Variants in FNDC3A observed in about 807,000 individuals in gnomAD.
FNDC3A encodes the protein fibronectin type-III domain-containing protein 3A.
A neutral mutation model predicts 148.9 loss-of-function variants in FNDC3A; 32 were observed. The observed-to-expected ratio is 0.21, with a 90% CI of 0.16 to 0.29. The LOEUF is 0.29. FNDC3A is among the 10% of genes least tolerant of loss of function. The pLI is 1.00. For missense variants in FNDC3A, 1,191 were observed against 1,452.8 expected (o/e 0.82, Z 2.93); for synonymous variants, 472 against 473.6 (o/e 1.00, Z 0.04).
At chr13:49,134,980 C>T (rs1374125651) in intron 5 of FNDC3A, among the ~76,000 whole-genome samples, 10 of 150,680 alleles carry the variant, frequency 6.6e-5, no homozygotes, top group East Asian at 3.9e-4. Flanking sequence ...CTCAGCCTCG[C>T]GAATAGCTGG....
At chr13:49,153,310 A>C (rs1185570848) in intron 8 of FNDC3A, among the ~76,000 whole-genome samples, 1 of 152,082 alleles carries the variant, frequency 6.6e-6, no homozygotes, top group Non-Finnish European at 1.5e-5. Flanking sequence ...GGCTGCCTAA[A>C]TGTCTTCTTT....
chr13:49,050,958 A>G (rs186637016), intron 2 of FNDC3A, among the ~76,000 whole-genome samples: 3 of 152,266 alleles, frequency 2.0e-5, no homozygotes, highest in African/African-American at 7.2e-5. Flanking sequence ...ATACAAGGAT[A>G]GCTGCTCCTA....
chr13:49,123,855 G>A (rs193100488), intron 4 of FNDC3A, among the ~76,000 whole-genome samples: 1 of 152,204 alleles, frequency 6.6e-6, no homozygotes, highest in Admixed American at 6.5e-5. Context: ...CACAGATGCT[G>A]GAGAGATGTG....
At chr13:49,020,546 G>T (rs750102869) in intron 2 of FNDC3A, among the ~76,000 whole-genome samples, 34 of 152,322 alleles carry the variant, frequency 2.2e-4, no homozygotes, top group Non-Finnish European at 4.1e-4. Flanking sequence ...GCGCCACATA[G>T]TCTTCACCTG....
intron 7 of FNDC3A, among the ~76,000 whole-genome samples, chr13:49,141,022 C>CA (rs377402085): frequency 2.8e-4 from 42 of 149,974 alleles, no homozygotes; most frequent in Middle Eastern, 3.4e-3. Flanking sequence ...TGAGGAACAA[C>CA]AAAAAAAAAG....
intron 2 of FNDC3A, among the ~76,000 whole-genome samples, chr13:49,013,466 A>G (rs1196398474): frequency 2.0e-5 from 3 of 151,944 alleles, no homozygotes; most frequent in Admixed American, 2.0e-4. Flanking sequence ...ATGTGTATAC[A>G]TATGTACACG....
chr13:49,126,269 T>G (rs12428328), intron 4 of FNDC3A, among the ~76,000 whole-genome samples: 56,218 of 148,318 alleles, frequency 0.38, 10,533 homozygotes, highest in East Asian at 0.54. Flanking sequence ...GGGTTTTTTT[T>G]GTTTGTTTTT....
intron 12 of FNDC3A, among the ~76,000 whole-genome samples, chr13:49,174,950 A>G (rs1440996860): frequency 2.0e-5 from 3 of 152,220 alleles, no homozygotes; most frequent in Non-Finnish European, 4.4e-5. Context: ...TTTTTGTTCT[A>G]GAGATAGCTC....
At chr13:49,041,034 G>A (rs1874885284) in intron 2 of FNDC3A, among the ~76,000 whole-genome samples, 1 of 152,146 alleles carries the variant, frequency 6.6e-6, no homozygotes, top group Non-Finnish European at 1.5e-5. Context: ...GCAGATGAAT[G>A]TAAAATAGCA....
chr13:49,080,809 A>G (rs1221814834), intron 3 of FNDC3A, among the ~76,000 whole-genome samples: 2 of 152,196 alleles, frequency 1.3e-5, no homozygotes, highest in African/African-American at 4.8e-5. Context: ...TATGTAGTAA[A>G]CACTTAAGAA....
chr13:49,032,908 C>T (rs1874230618), intron 2 of FNDC3A, among the ~76,000 whole-genome samples: 1 of 151,804 alleles, frequency 6.6e-6, no homozygotes, highest in Non-Finnish European at 1.5e-5. Flanking sequence ...TTTTTAAAGC[C>T]TATTTGCATT....
chr13:49,071,601 T>A (rs1327280728), intron 2 of FNDC3A, among the ~76,000 whole-genome samples: 1 of 152,170 alleles, frequency 6.6e-6, no homozygotes, highest in Non-Finnish European at 1.5e-5. Flanking sequence ...CTCATTTTGG[T>A]TTTGATTTGC....
chr13:49,203,168 G>A lies in FNDC3A; in HGVS notation c.3166G>A (p.Glu1056Lys). 1 of 1,600,300 alleles carries A rather than the reference G, an allele frequency of 6.2e-7. No homozygotes were observed. The highest frequency in any genetic ancestry group is 2.2e-5 in the East Asian group (1 of 44,686). ...VPAALKAPKI[E>K]KVNDHICEIT... ...TTTGTTTCCTACAGCCCCCAAAATA[G>A]AGAAAGTAAATGATCACATTTGTGA... The change falls in exon 25 of 26, where the codon GAG (glutamate) becomes AAG (lysine). Residue 1056 changes from glutamate (E) to lysine (K), a missense_variant. By Grantham distance (56) the Glu-to-Lys change is moderately conservative. Transcript: ENST00000492622.
chr13:48,977,508 G>T (rs1951625077), intron 1 of FNDC3A, among the ~76,000 whole-genome samples: 2 of 152,108 alleles, frequency 1.3e-5, no homozygotes, highest in South Asian at 4.1e-4. Context: ...TTGTCATCTT[G>T]TGTCACCCAC....
At chr13:49,104,647 A>T (rs1880059336) in intron 3 of FNDC3A, among the ~76,000 whole-genome samples, 1 of 152,220 alleles carries the variant, frequency 6.6e-6, no homozygotes, top group Non-Finnish European at 1.5e-5. Context: ...TTAAAAAAAG[A>T]TCTTCTGTAA....
chr13:49,158,655 G>T (rs1883883380), intron 8 of FNDC3A, among the ~76,000 whole-genome samples: 1 of 152,216 alleles, frequency 6.6e-6, no homozygotes, highest in African/African-American at 2.4e-5. Flanking sequence ...GGCTTTTGTT[G>T]CCATTGCTTT....
At chr13:49,187,237 T>C (rs1433414705) in intron 16 of FNDC3A, 47 bp downstream of exon 16, 1 of 1,299,918 alleles carries the variant, frequency 7.7e-7, no homozygotes, top group Admixed American at 1.8e-5. Flanking sequence ...AGCCAGTCTC[T>C]TTCTATTCTT....
chr13:49,051,837 T>C (rs539565740), intron 2 of FNDC3A, among the ~76,000 whole-genome samples: 30 of 152,304 alleles, frequency 2.0e-4, no homozygotes, highest in African/African-American at 6.3e-4. Context: ...TTTAACATAG[T>C]CCCAAACTTC....
At chr13:49,024,078 A>G (rs1174889685) in intron 2 of FNDC3A, among the ~76,000 whole-genome samples, 1 of 152,030 alleles carries the variant, frequency 6.6e-6, no homozygotes, top group Non-Finnish European at 1.5e-5. Flanking sequence ...ACAAAGGATT[A>G]TTAGAGACTA....
Sources: allele counts gnomAD v4.1 joint callset (sites outside exome capture counted in the v4.1 genomes callset), GRCh38; gene constraint gnomAD v4.1.1; transcripts MANE v1.5; gene names NCBI Gene and HGNC (gene_info 2026-07-23, HGNC 2026-07-21).